The following CENPQ variants were observed in gnomAD, a reference collection of about 807,000 sequenced individuals.
The protein encoded by CENPQ is centromere protein Q.
Under a neutral mutation model 36.6 loss-of-function variants are expected in CENPQ, and 27 were observed. That is an observed-to-expected ratio of 0.74 (90% CI 0.54 to 1.02). The LOEUF (loss-of-function observed/expected upper bound fraction) is 1.02. CENPQ is among the 50% of genes least tolerant of loss of function. The pLI, the probability that CENPQ is intolerant of heterozygous loss-of-function variation, is 0.00. For synonymous variants in CENPQ, 101 were observed against 101.7 expected (o/e 0.99, Z 0.04); for missense variants, 306 against 301.8 (o/e 1.01, Z -0.10).
intron 6 of CENPQ, 66 bp from the exon 7 acceptor site, chr6:49,488,286 T>C: frequency 8.0e-7 from 1 of 1,247,170 alleles, no homozygotes; most frequent in Non-Finnish European, 1.1e-6. Context: ...TGTATAACAA[T>C]ATCTATTAGG....
In CENPQ at chr6:49,477,140, A is replaced by G. The variant is rs530776372; in HGVS notation, c.348-3811A>G. ...GAACATGTGTGTTTACTGCGGCACT[A>G]TTCACAATAGCAAAGACTTGGAACC... is the stretch of plus-strand genomic sequence containing the variant. On this transcript the variant is annotated intron_variant, in intron 5 of 8. Transcript: ENST00000335783. Among the ~76,000 whole-genome samples the G allele has an allele frequency of 7.2e-5, 11 of 152,304 alleles. No homozygotes were observed. In the East Asian group the frequency reaches 2.1e-3, roughly 29 times the overall value.
chr6:49,472,786 C>G lies in CENPQ; in HGVS notation c.279-4C>G, dbSNP rs1018799591. 2.1e-6 allele frequency: 3 copies of G among 1,427,116 alleles called. No homozygotes were observed. Among genetic ancestry groups the G allele is most frequent in the Non-Finnish European group, 2.8e-6 (3 of 1,063,032 alleles). The allele number at this position is 1,427,116 out of a possible 1,614,324, so 88.4% of individuals were successfully genotyped here. A position where few individuals can be genotyped will look rare whatever the true frequency, so the allele number is the denominator to read the frequency against. Reference sequence around the variant, plus strand: ...TATTTATTCCATCTTTTTTTCTTTTCTAGGACAATTTTGAGTAACAGTATT... The same window carrying G: ...TATTTATTCCATCTTTTTTTCTTTTGTAGGACAATTTTGAGTAACAGTATT... On this transcript the variant is annotated splice_polypyrimidine_tract_variant and splice_region_variant and intron_variant, in intron 4 of 8. Transcript: ENST00000335783.
chr6:49,486,895 C>A (rs1293744737), intron 6 of CENPQ, among the ~76,000 whole-genome samples: 1 of 151,440 alleles, frequency 6.6e-6, no homozygotes, highest in Admixed American at 6.6e-5. Flanking sequence ...GCCTGTAATC[C>A]CAGCACTTTT....
intron 2 of CENPQ, among the ~76,000 whole-genome samples, chr6:49,470,707 A>G (rs1365686185): frequency 6.6e-6 from 1 of 151,236 alleles, no homozygotes; most frequent in African/African-American, 2.4e-5. Flanking sequence ...ATTATTTCTT[A>G]GGCAAAGTGA....
chr6:49,488,785 T>C (rs564696569), intron 8 of CENPQ, 101 bp downstream of exon 8: 1 of 899,612 alleles, frequency 1.1e-6, no homozygotes, highest in Non-Finnish European at 1.8e-6. Context: ...ATAACGCAAG[T>C]CACACAAATG....
At chr6:49,472,348 C>G (rs928755950) in intron 4 of CENPQ, among the ~76,000 whole-genome samples, 165 bp downstream of exon 4, 4 of 152,058 alleles carry the variant, frequency 2.6e-5, no homozygotes, top group African/African-American at 7.2e-5. Context: ...GCAGAAAAGT[C>G]TTTGTTAATT....
At chr6:49,490,578 C>A (rs1326617160) in intron 8 of CENPQ, among the ~76,000 whole-genome samples, 1 of 152,204 alleles carries the variant, frequency 6.6e-6, no homozygotes, top group Non-Finnish European at 1.5e-5. Flanking sequence ...TTTGCATTCA[C>A]AACTTGGGCG....
At chr6:49,475,122 A>G (rs996457930) in intron 5 of CENPQ, among the ~76,000 whole-genome samples, 3 of 152,116 alleles carry the variant, frequency 2.0e-5, no homozygotes, top group Non-Finnish European at 4.4e-5. Context: ...ATTCCAATCA[A>G]TAGAAAAAGA....
At chr6:49,486,320 T>C (rs1184189708) in intron 6 of CENPQ, among the ~76,000 whole-genome samples, 1 of 152,216 alleles carries the variant, frequency 6.6e-6, no homozygotes, top group African/African-American at 2.4e-5. Flanking sequence ...ATTTCTGTTA[T>C]TTTAAGCCAA....
At chr6:49,485,765 T>A (rs1045002217) in intron 6 of CENPQ, among the ~76,000 whole-genome samples, 1 of 149,942 alleles carries the variant, frequency 6.7e-6, no homozygotes, top group Non-Finnish European at 1.5e-5. Flanking sequence ...AAAGAGAAAA[T>A]TTTCAGAATC....
intron 8 of CENPQ, among the ~76,000 whole-genome samples, chr6:49,490,748 C>T (rs1222619723): frequency 6.6e-6 from 1 of 152,074 alleles, no homozygotes; most frequent in Admixed American, 6.6e-5. Context: ...GGCCTAATTT[C>T]AATATCGTTG....
intron 1 of CENPQ, among the ~76,000 whole-genome samples, chr6:49,466,433 G>A (rs901585099): frequency 3.3e-5 from 5 of 152,180 alleles, no homozygotes; most frequent in East Asian, 1.9e-4. Flanking sequence ...CAGTGTCTGC[G>A]AGGCTCAATA....
chr6:49,492,014 C>T lies in CENPQ; in HGVS notation c.676-130C>T, dbSNP rs543939445. On this transcript the variant is annotated intron_variant, in intron 8 of 8. Transcript: ENST00000335783. ...AGAGATAGATTTGAAAGAAGAATGG[C>T]GATTCGTTGACAATTATTGAAGTTG... is the stretch of plus-strand genomic sequence containing the variant. The T allele has an allele frequency of 1.1e-4, 73 of 666,674 alleles. No homozygotes were observed. In the East Asian group the frequency reaches 1.3e-3, roughly 12 times the overall value. 41.3% of individuals were successfully genotyped at this position (666,674 alleles called of 1,614,324 possible). A position where few individuals can be genotyped will look rare whatever the true frequency, so the allele number is the denominator to read the frequency against.
At position 49,483,680 on chromosome 6, in the gene CENPQ, A is replaced by G. The variant is rs1015328785; in HGVS notation, c.477+2600A>G. Among the ~76,000 whole-genome samples, 19 of 152,342 alleles carry G rather than the reference A, an allele frequency of 1.2e-4. No individual in the cohort carries two copies. The East Asian group carries it at 3.7e-3, about 29-fold the overall frequency. ...TTGGGTGCTAAGCCCCTCATTGCCC[A>G]GGGCTGGCAGGGCCAGCCAGCTGCT... On this transcript the variant is annotated intron_variant, in intron 6 of 8. Transcript: ENST00000335783.
intron 5 of CENPQ, among the ~76,000 whole-genome samples, chr6:49,477,990 A>G (rs1768343643): frequency 6.6e-6 from 1 of 152,202 alleles, no homozygotes; most frequent in African/African-American, 2.4e-5. Context: ...GTTCATTGGA[A>G]AAGATTATAT....
chr6:49,479,676 T>C (rs996200260), intron 5 of CENPQ, among the ~76,000 whole-genome samples: 6 of 152,308 alleles, frequency 3.9e-5, no homozygotes, highest in East Asian at 1.9e-4. Flanking sequence ...TGCACACTTA[T>C]GTTTACCACA....
At chr6:49,486,283 C>T (rs1455571360) in intron 6 of CENPQ, among the ~76,000 whole-genome samples, 2 of 152,204 alleles carry the variant, frequency 1.3e-5, no homozygotes, top group Non-Finnish European at 2.9e-5. Flanking sequence ...TTTTGTACTT[C>T]TGTCCTCCAG....
chr6:49,481,539 G>A (rs573007909), intron 6 of CENPQ, among the ~76,000 whole-genome samples: 21 of 152,256 alleles, frequency 1.4e-4, no homozygotes, highest in South Asian at 6.2e-4. Flanking sequence ...TGCAAAGAGC[G>A]AAAGAACAAA....
intron 3 of CENPQ, among the ~76,000 whole-genome samples, chr6:49,471,475 C>T (rs1180181095): frequency 6.6e-6 from 1 of 152,152 alleles, no homozygotes; most frequent in East Asian, 1.9e-4. Flanking sequence ...TACGTCTCCT[C>T]AGCCAACACT....
Sources: allele counts gnomAD v4.1 joint callset (sites outside exome capture counted in the v4.1 genomes callset), GRCh38; gene constraint gnomAD v4.1.1; transcripts MANE v1.5; gene names NCBI Gene and HGNC (gene_info 2026-07-23, HGNC 2026-07-21).